The following MAPT variants were observed in gnomAD, a reference collection of about 807,000 sequenced individuals.
The protein encoded by MAPT is microtubule-associated protein tau.
A neutral mutation model predicts 67.9 loss-of-function variants in MAPT; 34 were observed. That is an observed-to-expected ratio of 0.50 (90% confidence interval 0.38 to 0.67). The LOEUF is 0.67. Among genes scored for constraint, MAPT ranks in the 30% least tolerant of loss-of-function variants. The probability of loss-of-function intolerance (pLI) is 0.00; values close to 1 mark genes in which losing one functional copy is unlikely to be tolerated. For missense variants in MAPT, 881 were observed against 1,115.2 expected (o/e 0.79, Z 2.99); for synonymous variants, 456 against 464.5 (o/e 0.98, Z 0.23).
At chr17:45,945,374 A>G (rs2068379521) in intron 1 of MAPT, among the ~76,000 whole-genome samples, 1 of 152,244 alleles carries the variant, frequency 6.6e-6, no homozygotes, top group African/African-American at 2.4e-5. Flanking sequence ...TCGAAGATGT[A>G]AAAGCCAATC....
chr17:45,977,671 C>T (rs1225607397), intron 3 of MAPT: 1 of 152,268 alleles, frequency 6.6e-6, no homozygotes, highest in Non-Finnish European at 1.5e-5. Context: ...CAAGACACCC[C>T]CAAAAGCTGC....
intron 6 of MAPT, among the ~76,000 whole-genome samples, chr17:45,988,866 C>G (rs1211749514): frequency 1.3e-5 from 2 of 151,918 alleles, no homozygotes; most frequent in African/African-American, 4.8e-5. Flanking sequence ...GCCAGGGCAA[C>G]AGAGGGAGAC....
intron 1 of MAPT, among the ~76,000 whole-genome samples, chr17:45,939,841 G>T (rs1030455599): frequency 1.3e-5 from 2 of 152,222 alleles, no homozygotes; most frequent in African/African-American, 2.4e-5. Flanking sequence ...CTGGCTGGGG[G>T]GCTCTCTTGA....
chr17:45,994,096 G>C (rs370781503), intron 8 of MAPT: 4 of 929,724 alleles, frequency 4.3e-6, no homozygotes, highest in Admixed American at 2.7e-5. Flanking sequence ...CACAGGGTTC[G>C]CAGCCTGAAG....
rs59017604 is a variant in MAPT, at chr17:45,922,486, A to AACACACACACACACACACACACACACAC, written c.-18+27806_-18+27833dup. On this transcript the variant is annotated intron_variant, in intron 1 of 12. Transcript: ENST00000262410. ...TCCCGTCCCTGCAGGCTAGCTAGAG[A>AACACACACACACACACACACACACACAC]ACACACACACACACACACACACACA... 9.6e-5 allele frequency among the ~76,000 whole-genome samples: 14 copies of AACACACACACACACACACACACACACAC among 146,574 alleles called. 1 individual carries two copies. The highest frequency in any genetic ancestry group is 1.8e-4 in the Non-Finnish European group (12 of 66,612).
chr17:45,939,540 T>C (rs902748956), intron 1 of MAPT, among the ~76,000 whole-genome samples: 1 of 152,218 alleles, frequency 6.6e-6, no homozygotes, highest in Non-Finnish European at 1.5e-5. Context: ...TAAATCCATA[T>C]TTCATGGCTC....
chr17:45,944,914 TC>T (rs1261110990), intron 1 of MAPT, among the ~76,000 whole-genome samples: 1 of 152,140 alleles, frequency 6.6e-6, no homozygotes, highest in Non-Finnish European at 1.5e-5. Flanking sequence ...CCAACAGACT[TC>T]CCACTGTAAA....
At chr17:45,972,146 C>T (rs1404235048) in intron 3 of MAPT, 4 of 692,600 alleles carry the variant, frequency 5.8e-6, no homozygotes, top group African/African-American at 5.3e-5. Flanking sequence ...ACCTTCATCC[C>T]GTGTGTGCTC....
intron 9 of MAPT, among the ~76,000 whole-genome samples, chr17:45,998,732 CTG>C (rs2074726353): frequency 6.6e-6 from 1 of 152,150 alleles, no homozygotes; most frequent in East Asian, 1.9e-4. Flanking sequence ...CTGAGGGAAA[CTG>C]TCCTGCGCTT....
intron 1 of MAPT, among the ~76,000 whole-genome samples, chr17:45,940,575 G>T (rs62061732): frequency 0.14 from 21,819 of 152,212 alleles, 2,135 homozygotes; most frequent in Middle Eastern, 0.22. Flanking sequence ...TCCAGCCCAG[G>T]TAAGGAATAG....
chr17:45,930,844 G>A (rs747632532), intron 1 of MAPT, among the ~76,000 whole-genome samples: 45 of 152,170 alleles, frequency 3.0e-4, no homozygotes, highest in Non-Finnish European at 3.7e-4. Flanking sequence ...ACCAGGAATA[G>A]GTCATGGCTG....
chr17:45,914,275 C>G (rs1260426553), intron 1 of MAPT, among the ~76,000 whole-genome samples: 1 of 115,826 alleles, frequency 8.6e-6, no homozygotes, highest in Non-Finnish European at 2.3e-5. Flanking sequence ...GAGCAGAGGG[C>G]GGCTGATCTG....
intron 3 of MAPT, chr17:45,976,322 G>A (rs923848402): frequency 6.6e-6 from 1 of 152,182 alleles, no homozygotes; most frequent in East Asian, 1.9e-4. Context: ...CACACACCAG[G>A]TGTCCTCAAT....
In MAPT at chr17:45,899,611, T is replaced by C. The variant is rs189843250; in HGVS notation, c.-18+4925T>C. ...GTGGGTTTACTTGGCCATTGTGGAC[T>C]AGTCTGGGAACCCAGATATGATCTA... On this transcript the variant is annotated intron_variant, in intron 1 of 12. Coordinates refer to ENST00000262410, the MANE Select transcript of MAPT (RefSeq NM_001377265.1). 2.4e-3 allele frequency among the ~76,000 whole-genome samples: 367 copies of C among 152,316 alleles called. 1 individual carries two copies. Among genetic ancestry groups the C allele is most frequent in the Admixed American group, 6.0e-3 (92 of 15,300 alleles).
chr17:45,923,892 T>C, intron 1 of MAPT, among the ~76,000 whole-genome samples: 1 of 152,314 alleles, frequency 6.6e-6, no homozygotes, highest in African/African-American at 2.4e-5. Flanking sequence ...AGTTTCCTCA[T>C]CTGTAAGATT....
intron 9 of MAPT, among the ~76,000 whole-genome samples, chr17:45,998,580 T>C (rs1481431154): frequency 6.6e-6 from 1 of 152,132 alleles, no homozygotes; most frequent in Non-Finnish European, 1.5e-5. Flanking sequence ...CGGGTTAAAT[T>C]AAGGTCCGGC....
At chr17:46,011,259 G>A (rs754512589) in intron 10 of MAPT, among the ~76,000 whole-genome samples, 1 of 152,082 alleles carries the variant, frequency 6.6e-6, no homozygotes, top group Non-Finnish European at 1.5e-5. Context: ...AGCCAGGTGT[G>A]GTGGCACGCA....
chr17:46,020,822 C>G (rs1323504400), intron 12 of MAPT, among the ~76,000 whole-genome samples: 1 of 152,156 alleles, frequency 6.6e-6, no homozygotes, highest in Non-Finnish European at 1.5e-5. Context: ...ATTGTGGGAA[C>G]TACAATTCAA....
chr17:45,935,558 T>C (rs1264989210), intron 1 of MAPT, among the ~76,000 whole-genome samples: 1 of 152,194 alleles, frequency 6.6e-6, no homozygotes, highest in Non-Finnish European at 1.5e-5. Flanking sequence ...GTGCTTCATC[T>C]GCTGCTTATT....
Sources: gnomAD v4.1 joint callset for allele counts (sites outside exome capture counted in the v4.1 genomes callset) on GRCh38, gnomAD v4.1.1 for gene constraint, MANE v1.5 for transcripts, NCBI Gene and HGNC (gene_info 2026-07-23, HGNC 2026-07-21) for gene names.